EYA4: variants seen among roughly 807,000 people sequenced by gnomAD.
EYA4 encodes the protein protein phosphatase EYA4.
EYA4 carries 31 observed loss-of-function variants against 87.9 expected under a neutral mutation model. The ratio of observed to expected loss-of-function variants is 0.35; its 90% CI spans 0.27 to 0.48. The LOEUF is 0.48. EYA4 is among the 20% of genes least tolerant of loss of function. The pLI, the probability that EYA4 is intolerant of heterozygous loss-of-function variation, is 0.99. For synonymous variants in EYA4, 263 were observed against 270.6 expected, an observed-to-expected ratio of 0.97 and a Z score of 0.28; for missense variants, 678 against 761.4, an observed-to-expected ratio of 0.89 and a Z score of 1.29.
At chr6:133,361,259 G>T (rs1784428982) in intron 2 of EYA4, among the ~76,000 whole-genome samples, 1 of 152,194 alleles carries the variant, frequency 6.6e-6, no homozygotes, top group African/African-American at 2.4e-5. Context: ...TTACTGTCCA[G>T]AATGATAATA....
At chr6:133,524,870 C>T in intron 18 of EYA4, 1 of 766,886 alleles carries the variant, frequency 1.3e-6, no homozygotes, top group Non-Finnish European at 2.3e-6. Flanking sequence ...AACGCCTTAC[C>T]TTATTCAAAT....
At chr6:133,447,425 A>T (rs1792962444) in intron 4 of EYA4, among the ~76,000 whole-genome samples, 1 of 152,152 alleles carries the variant, frequency 6.6e-6, no homozygotes. Flanking sequence ...TCCAATTTTT[A>T]TATCAGAATG....
chr6:133,303,207 A>G (rs915733560), intron 2 of EYA4, among the ~76,000 whole-genome samples: 1 of 152,146 alleles, frequency 6.6e-6, no homozygotes, highest in African/African-American at 2.4e-5. Flanking sequence ...TCTTTTAACC[A>G]TATTGGTATT....
chr6:133,397,442 G>A (rs1787899667), intron 3 of EYA4, among the ~76,000 whole-genome samples: 1 of 152,032 alleles, frequency 6.6e-6, no homozygotes, highest in African/African-American at 2.4e-5. Flanking sequence ...TTGATATTAG[G>A]GCATACAGAT....
rs765343836 is a variant in EYA4, at chr6:133,273,444, G to T, written c.-65-1272G>T. On this transcript the variant is annotated intron_variant, in intron 1 of 19. Transcript: ENST00000355286. Reference sequence around the variant, plus strand: ...GCAACACCCTCACAGACATACCCAGGATCAATACTTTGTATCCTTCAATCC... The same window carrying T: ...GCAACACCCTCACAGACATACCCAGTATCAATACTTTGTATCCTTCAATCC... 4.3e-4 allele frequency among the ~76,000 whole-genome samples: 65 copies of T among 152,204 alleles called. 1 individual carries two copies. The highest frequency in any genetic ancestry group is 1.2e-3 in the Admixed American group (18 of 15,290).
At chr6:133,386,812 T>C (rs1786789001) in intron 3 of EYA4, among the ~76,000 whole-genome samples, 1 of 152,142 alleles carries the variant, frequency 6.6e-6, no homozygotes, top group South Asian at 2.1e-4. Context: ...TCTTAAAATA[T>C]AGGAAGAACT....
At chr6:133,396,814 C>T (rs898029907) in intron 3 of EYA4, among the ~76,000 whole-genome samples, 1 of 152,100 alleles carries the variant, frequency 6.6e-6, no homozygotes, top group Non-Finnish European at 1.5e-5. Flanking sequence ...TTAATTCTTT[C>T]TGCGCAGGGC....
At chr6:133,351,356 T>A (rs1783626271) in intron 2 of EYA4, among the ~76,000 whole-genome samples, 1 of 152,214 alleles carries the variant, frequency 6.6e-6, no homozygotes, top group Admixed American at 6.5e-5. Context: ...GCCCTTTCTT[T>A]TGCACAGTCT....
In EYA4 at chr6:133,529,875, T is replaced by TTTGA. The variant is rs1165689490; in HGVS notation, c.*1072_*1075dup. ...CTTGCACAGTTTTGAGGTTGAGACT[T>TTTGA]TTGATATGTGTAAGTTGCATAGAGG... On this transcript the variant is annotated 3_prime_UTR_variant, in exon 20 of 20. Transcript: ENST00000355286. The TTTGA allele has an allele frequency of 1.0e-6, 1 of 985,300 alleles. No homozygotes were observed. The highest frequency in any genetic ancestry group is 1.1e-4 in the East Asian group (1 of 8,828). 61.0% of individuals were successfully genotyped at this position (985,300 alleles called of 1,614,324 possible).
rs183157495 is a variant in EYA4 at position 133,295,742 on chromosome 6, C to T, written c.33+20929C>T. On this transcript the variant is annotated intron_variant, in intron 2 of 19. Transcript: ENST00000355286. The stretch of plus-strand genomic sequence containing the variant: ...AGATCCAAATCCAGGTCTGTCAGAC[C>T]GCAGGGTCTTTGTTTACTCTGCTAT... Among the ~76,000 whole-genome samples the T allele has an allele frequency of 1.2e-4, 19 of 152,168 alleles. No individual in the cohort carries two copies. The East Asian group carries it at 1.5e-3, about 12-fold the overall frequency.
chr6:133,362,564 C>T (rs1784528089), intron 2 of EYA4, among the ~76,000 whole-genome samples: 1 of 152,158 alleles, frequency 6.6e-6, no homozygotes, highest in Admixed American at 6.5e-5. Context: ...AAAAAAATAG[C>T]TGCTGCGCAG....
At chr6:133,524,814 T>C (rs1420173572) in intron 18 of EYA4, among the ~76,000 whole-genome samples, 1 of 152,192 alleles carries the variant, frequency 6.6e-6, no homozygotes, top group East Asian at 1.9e-4. Context: ...TCCCTACTGA[T>C]GTTTTTGGAG....
At chr6:133,318,061 A>G (rs770805477) in intron 2 of EYA4, among the ~76,000 whole-genome samples, 6 of 152,216 alleles carry the variant, frequency 3.9e-5, no homozygotes, top group African/African-American at 7.2e-5. Context: ...TAAATAATAC[A>G]TATTTGTAGA....
At chr6:133,398,969 G>A (rs211612) in intron 3 of EYA4, among the ~76,000 whole-genome samples, 119,352 of 152,088 alleles carry the variant, frequency 0.78, 50,683 homozygotes, top group Non-Finnish European at 0.95. Context: ...AGTGAATTAA[G>A]TAAGTATAAG....
intron 2 of EYA4, among the ~76,000 whole-genome samples, chr6:133,328,955 A>T (rs1265359836): frequency 1.3e-5 from 2 of 152,126 alleles, no homozygotes; most frequent in Non-Finnish European, 2.9e-5. Flanking sequence ...GGGCCACCTG[A>T]GTGCAAAGAA....
chr6:133,294,527 C>T (rs887485363), intron 2 of EYA4, among the ~76,000 whole-genome samples: 6 of 150,348 alleles, frequency 4.0e-5, no homozygotes, highest in Non-Finnish European at 7.4e-5. Context: ...AGTCTCTTGC[C>T]CTTTGTGTTG....
intron 2 of EYA4, among the ~76,000 whole-genome samples, chr6:133,376,124 A>G (rs1164924243): frequency 6.6e-6 from 1 of 151,884 alleles, no homozygotes; most frequent in African/African-American, 2.4e-5. Flanking sequence ...CTATGTTTAC[A>G]AAGAGTTTGG....
chr6:133,492,488 C>T (rs766182441), intron 13 of EYA4, among the ~76,000 whole-genome samples: 5 of 152,148 alleles, frequency 3.3e-5, no homozygotes, highest in African/African-American at 9.7e-5. Context: ...GACAGACCTG[C>T]AGCTGATATC....
intron 3 of EYA4, chr6:133,435,269 G>A (rs894061473): frequency 1.4e-4 from 21 of 152,226 alleles, no homozygotes; most frequent in Admixed American, 1.4e-3. Context: ...CTGTTAGTCC[G>A]AGGCCTGAGG....
Sources: allele counts gnomAD v4.1 joint callset (sites outside exome capture counted in the v4.1 genomes callset), GRCh38; gene constraint gnomAD v4.1.1; transcripts MANE v1.5; gene names NCBI Gene and HGNC (gene_info 2026-07-23, HGNC 2026-07-21).